Variants in FOXB1 observed in about 807,000 individuals in gnomAD.
FOXB1 encodes forkhead box B1, also known as forkhead box protein B1.
In FOXB1, 6 loss-of-function variants were observed where a neutral mutation model predicts 18.6. The observed-to-expected ratio is 0.32, with a 90% CI of 0.18 to 0.64. The LOEUF (loss-of-function observed/expected upper bound fraction) is 0.64, where lower values mean the gene tolerates loss of function less well. Ranked by LOEUF, FOXB1 falls within the 30% of genes least tolerant of loss-of-function variation. The pLI is 0.78. For missense variants in FOXB1, 419 were observed against 463.6 expected, an observed-to-expected ratio of 0.90 and a Z score of 0.88; for synonymous variants, 213 against 216.0, an observed-to-expected ratio of 0.99 and a Z score of 0.12.
chr15:60,006,091 G>C lies in FOXB1; in HGVS notation c.*150G>C, dbSNP rs1892093451. The C allele has an allele frequency of 1.9e-6, 2 of 1,054,526 alleles. No homozygotes were observed. The highest frequency in any genetic ancestry group is 2.6e-6 in the Non-Finnish European group (2 of 758,070). The allele number at this position is 1,054,526 out of a possible 1,614,324, so 65.3% of individuals were successfully genotyped here. Reference sequence around the variant, plus strand: ...ACCCGCCTTGCCCCAAGAGAACTTTGTTTTGGACCCAGGAGACCAAACACA... The same window carrying C: ...ACCCGCCTTGCCCCAAGAGAACTTTCTTTTGGACCCAGGAGACCAAACACA... On this transcript the variant is annotated 3_prime_UTR_variant, in exon 2 of 2. Coordinates refer to ENST00000396057, the MANE Select transcript of FOXB1 (RefSeq NM_012182.3).
rs978380323 is a variant in FOXB1 at position 60,006,789 on chromosome 15, G to C, written c.*848G>C. The C allele has an allele frequency of 3.3e-5, 5 of 152,166 alleles. No individual in the cohort carries two copies. Among genetic ancestry groups the C allele is most frequent in the Non-Finnish European group, 7.3e-5 (5 of 68,038 alleles). 9.4% of individuals were successfully genotyped at this position (152,166 alleles called of 1,614,324 possible). ...CCACATTATAAGTACCTGTTGTAAT[G>C]TGAATGTTTACTCTTCATTTCTGGC... On this transcript the variant is annotated 3_prime_UTR_variant, in exon 2 of 2. Transcript: ENST00000396057.
Position 60,006,243 on chromosome 15 carries a change from G to A in FOXB1, c.*302G>A. 1 of 432,664 alleles carries A rather than the reference G, an allele frequency of 2.3e-6. No homozygotes were observed. The highest frequency in any genetic ancestry group is 4.1e-6 in the Non-Finnish European group (1 of 246,134). 26.8% of individuals were successfully genotyped at this position (432,664 alleles called of 1,614,324 possible). On this transcript the variant is annotated 3_prime_UTR_variant, in exon 2 of 2. Transcript: ENST00000396057. ...AAACCCCCTCCTATTTGACCGGCGGGGGAAACCCTGTCACCCCCTCTTCGC... is the reference window on the plus strand; with the variant it reads ...AAACCCCCTCCTATTTGACCGGCGGAGGAAACCCTGTCACCCCCTCTTCGC...
intron 1 of FOXB1, 66 bp from the exon 2 acceptor site, chr15:60,004,838 GTCT>G: frequency 1.3e-5 from 11 of 844,152 alleles, no homozygotes; most frequent in East Asian, 9.2e-5. Flanking sequence ...CTGTTACTCG[GTCT>G]GGCTGACCCC....
chr15:60,005,071 G>C lies in FOXB1; in HGVS notation c.108G>C (p.Leu36=), dbSNP rs1892075883. 6.3e-7 allele frequency: 1 copy of C among 1,599,292 alleles called. No individual in the cohort carries two copies. The highest frequency in any genetic ancestry group is 8.5e-7 in the Non-Finnish European group (1 of 1,173,702). Residue 36 remains leucine, a synonymous_variant, in exon 2 of 2, where the codon CTG becomes CTC. Transcript: ENST00000396057. The surrounding 1 kb of genome is among the most constrained non-coding windows in gnomAD (Gnocchi z 9.8). ...GCTCTCCCGAGAAGATGCTGCCGCT[G>C]AGCGAGATCTACAAGTTCATCATGG... is the stretch of plus-strand genomic sequence containing the variant. ...IQSSPEKMLP[L]SEIYKFIMDR... is the part of the protein sequence containing the mutation.
Position 60,005,322 on chromosome 15 carries a change from G to C in FOXB1, c.359G>C (p.Ser120Thr). 1.2e-6 allele frequency: 2 copies of C among 1,610,480 alleles called. No homozygotes were observed. The change falls in exon 2 of 2, where the codon AGC becomes ACC. Residue 120 changes from serine (S) to threonine (T), a missense_variant. Physicochemically the swap from Ser to Thr is moderately conservative, Grantham distance 58. This residue lies in a region of FOXB1 where 153 missense variants were observed against 173.8 expected (regional missense o/e 0.88). Transcript: ENST00000396057. This position sits in a 1 kb window ranked among gnomAD's most constrained non-coding sequence, Gnocchi z 9.8. ...KVLKSDHLAP[S>T]KPADAAQYLQ... ...CTTAAGTCCGACCACCTGGCGCCCA[G>C]CAAGCCAGCCGACGCGGCGCAGTAC...
chr15:60,006,559 A>C lies in FOXB1; in HGVS notation c.*618A>C, dbSNP rs1892101928. 1 of 152,036 alleles carries C rather than the reference A, an allele frequency of 6.6e-6. No homozygotes were observed. The highest frequency in any genetic ancestry group is 1.5e-5 in the Non-Finnish European group (1 of 68,058). The allele number at this position is 152,036 out of a possible 1,614,324, so 9.4% of individuals were successfully genotyped here. ...CCCTGCCTCCTAGGCTTCTGCGGAG[A>C]TTTTGTTGTTGTTTGGGGTTTTGTT... On this transcript the variant is annotated 3_prime_UTR_variant, in exon 2 of 2. Transcript: ENST00000396057.
chr15:60,005,904 G>C lies in FOXB1; in HGVS notation c.941G>C (p.Ser314Thr), dbSNP rs773004677. ...SPATPSETLT[S>T]PASALHSVAV... is the part of the protein sequence containing the mutation. ...GCCACCCCCAGCGAAACGCTCACCA[G>C]CCCGGCCTCCGCCTTGCACTCGGTG... The change falls in exon 2 of 2, where the codon AGC becomes ACC. Residue 314 changes from serine to threonine, a missense_variant. By Grantham distance (58) the Ser-to-Thr change is moderately conservative. This residue lies in a region of FOXB1 where 195 missense variants were observed against 179.8 expected (regional missense o/e 1.08). Coordinates refer to ENST00000396057, the MANE Select transcript of FOXB1 (RefSeq NM_012182.3). The surrounding 1 kb of genome is among the most constrained non-coding windows in gnomAD (Gnocchi z 9.8). 2 of 1,594,224 alleles carry C rather than the reference G, an allele frequency of 1.3e-6. No individual in the cohort carries two copies. Among genetic ancestry groups the C allele is most frequent in the East Asian group, 2.3e-5 (1 of 43,878 alleles).
rs980636323 is a variant in FOXB1, at chr15:60,004,868, A to G, written c.-57-39A>G. On this transcript the variant is annotated intron_variant, in intron 1 of 1. Coordinates refer to ENST00000396057, the MANE Select transcript of FOXB1 (RefSeq NM_012182.3). ...GCTGACCCCGCCGGTGTCTCTGTGC[A>G]TCCATGCTACCTTTCCCTATTACCC... 4.5e-6 allele frequency: 5 copies of G among 1,108,716 alleles called. No individual in the cohort carries two copies. The African/African-American group carries it at 8.8e-5, about 20-fold the overall frequency. 68.7% of individuals were successfully genotyped at this position (1,108,716 alleles called of 1,614,324 possible). A position where few individuals can be genotyped will look rare whatever the true frequency, so the allele number is the denominator to read the frequency against.
At position 60,006,064 on chromosome 15, in the gene FOXB1, C is replaced by T; in HGVS notation, c.*123C>T. On this transcript the variant is annotated 3_prime_UTR_variant, in exon 2 of 2. Coordinates refer to ENST00000396057, the MANE Select transcript of FOXB1 (RefSeq NM_012182.3). ...CTAACTTGTTCATTTCACCTTCGGCCAACCCGCCTTGCCCCAAGAGAACTT... is the reference window on the plus strand; with the variant it reads ...CTAACTTGTTCATTTCACCTTCGGCTAACCCGCCTTGCCCCAAGAGAACTT... 3 of 1,246,368 alleles carry T rather than the reference C, an allele frequency of 2.4e-6. No individual in the cohort carries two copies. The highest frequency in any genetic ancestry group is 3.2e-6 in the Non-Finnish European group (3 of 929,414). The allele number at this position is 1,246,368 out of a possible 1,614,324, so 77.2% of individuals were successfully genotyped here. A position where few individuals can be genotyped will look rare whatever the true frequency, so the allele number is the denominator to read the frequency against.
rs1021368538 is a variant in FOXB1, at chr15:60,005,808, C to T, written c.845C>T (p.Thr282Ile). The T allele has an allele frequency of 1.9e-6, 3 of 1,606,600 alleles. No homozygotes were observed. The highest frequency in any genetic ancestry group is 2.5e-6 in the Non-Finnish European group (3 of 1,177,838). The change falls in exon 2 of 2, where the codon ACC becomes ATC. Residue 282 changes from threonine to isoleucine, a missense_variant. Physicochemically the swap from Thr to Ile is moderately conservative, Grantham distance 89. Transcript: ENST00000396057. The surrounding 1 kb of genome is among the most constrained non-coding windows in gnomAD (Gnocchi z 9.8). ...ALPALPAPIP[T>I]LLSNSPPSLS... ...CCTGCGCTGCCAGCGCCCATCCCCA[C>T]CTTGCTCTCGAACTCGCCGCCCTCG...
chr15:60,005,907 C>A lies in FOXB1; in HGVS notation c.944C>A (p.Pro315Gln). ...ACCCCCAGCGAAACGCTCACCAGCC[C>A]GGCCTCCGCCTTGCACTCGGTGGCG... ...PATPSETLTSPASALHSVAVH is the reference protein window; with the variant it reads ...PATPSETLTSQASALHSVAVH Residue 315 changes from proline (P) to glutamine (Q), a missense_variant, in exon 2 of 2, where the codon CCG becomes CAG. Physicochemically the swap from Pro to Gln is moderately conservative, Grantham distance 76. Transcript: ENST00000396057. The surrounding 1 kb of genome is among the most constrained non-coding windows in gnomAD (Gnocchi z 9.8). 6.3e-7 allele frequency: 1 copy of A among 1,593,158 alleles called. No individual in the cohort carries two copies.
At chr15:60,004,673 C>G (rs545580902) in intron 1 of FOXB1, 30 bp downstream of exon 1, 8 of 458,192 alleles carry the variant, frequency 1.7e-5, no homozygotes, top group East Asian at 1.1e-4. Context: ...GTCCCTGCCC[C>G]CTATTCTGGC....
In FOXB1 at chr15:60,005,279, C is replaced by A; in HGVS notation, c.316C>A (p.Arg106Ser). 1 of 1,613,618 alleles carries A rather than the reference C, an allele frequency of 6.2e-7. No individual in the cohort carries two copies. Among genetic ancestry groups the A allele is most frequent in the Non-Finnish European group, 8.5e-7 (1 of 1,179,936 alleles). The change falls in exon 2 of 2, where the codon CGC (arginine) becomes AGC (serine). Residue 106 changes from arginine to serine, a missense_variant. Around this residue, in one of 3 missense-constraint regions of FOXB1, gnomAD observed 153 missense variants for 173.8 expected, o/e 0.88. Transcript: ENST00000396057. The surrounding 1 kb of genome is among the most constrained non-coding windows in gnomAD (Gnocchi z 9.8). ...MFENGSFLRR[R>S]KRFKVLKSDH... ...CGAGAACGGCAGCTTCCTGCGGCGC[C>A]GCAAGCGCTTCAAGGTGCTTAAGTC...
rs373512826 is a variant in FOXB1 at position 60,005,804 on chromosome 15, C to T, written c.841C>T (p.Pro281Ser). The T allele has an allele frequency of 6.2e-7, 1 of 1,606,386 alleles. No individual in the cohort carries two copies. Among genetic ancestry groups the T allele is most frequent in the Admixed American group, 1.7e-5 (1 of 59,500 alleles). ...GCTGCCTGCGCTGCCAGCGCCCATC[C>T]CCACCTTGCTCTCGAACTCGCCGCC... ...PALPALPAPI[P>S]TLLSNSPPSL... is the part of the protein sequence containing the mutation. Residue 281 changes from proline to serine, a missense_variant, in exon 2 of 2, where the codon CCC (proline) becomes TCC (serine). Physicochemically the swap from Pro to Ser is moderately conservative, Grantham distance 74. Coordinates refer to ENST00000396057, the MANE Select transcript of FOXB1 (RefSeq NM_012182.3). This position sits in a 1 kb window ranked among gnomAD's most constrained non-coding sequence, Gnocchi z 9.8.
rs772040881 is a variant in FOXB1, at chr15:60,004,943, A to G, written c.-21A>G. On this transcript the variant is annotated 5_prime_UTR_variant, in exon 2 of 2. Transcript: ENST00000396057. The stretch of plus-strand genomic sequence containing the variant: ...CCGCCGGCCCGCGCGGACCCAGAGC[A>G]AGAAGAGGGCGAGGAAGAAGATGCC... The G allele has an allele frequency of 6.3e-7, 1 of 1,598,896 alleles. No individual in the cohort carries two copies. The highest frequency in any genetic ancestry group is 8.5e-7 in the Non-Finnish European group (1 of 1,171,806).
At position 60,006,658 on chromosome 15, in the gene FOXB1, A is replaced by G. The variant is rs1214682524; in HGVS notation, c.*717A>G. 2.0e-5 allele frequency: 3 copies of G among 152,244 alleles called. No individual in the cohort carries two copies. The highest frequency in any genetic ancestry group is 1.9e-4 in the East Asian group (1 of 5,200). The allele number at this position is 152,244 out of a possible 1,614,324, so 9.4% of individuals were successfully genotyped here. A position where few individuals can be genotyped will look rare whatever the true frequency, so the allele number is the denominator to read the frequency against. On this transcript the variant is annotated 3_prime_UTR_variant, in exon 2 of 2. Transcript: ENST00000396057. ...CTGAGAAAGCGACGCTCGTCCTCAC[A>G]CAGCAAAACAAAACTAAAAGTAACC...
At chr15:60,004,720 G>A (rs958992102) in intron 1 of FOXB1, 77 bp downstream of exon 1, 61 of 548,078 alleles carry the variant, frequency 1.1e-4, no homozygotes, top group African/African-American at 9.9e-4. Flanking sequence ...TCCTCGCGCC[G>A]TTCGCCGGCT....
rs1892079369 is a variant in FOXB1 at position 60,005,318 on chromosome 15, C to T, written c.355C>T (p.Pro119Ser). Reference sequence around the variant, plus strand: ...GGTGCTTAAGTCCGACCACCTGGCGCCCAGCAAGCCAGCCGACGCGGCGCA... The same window carrying T: ...GGTGCTTAAGTCCGACCACCTGGCGTCCAGCAAGCCAGCCGACGCGGCGCA... ...FKVLKSDHLA[P>S]SKPADAAQYL... Residue 119 changes from proline to serine, a missense_variant, in exon 2 of 2, where the codon CCC (proline) becomes TCC (serine). Transcript: ENST00000396057. This position sits in a 1 kb window ranked among gnomAD's most constrained non-coding sequence, Gnocchi z 9.8. 6.2e-7 allele frequency: 1 copy of T among 1,610,880 alleles called. No homozygotes were observed. Among genetic ancestry groups the T allele is most frequent in the Non-Finnish European group, 8.5e-7 (1 of 1,179,540 alleles).
chr15:60,005,906 C>T lies in FOXB1; in HGVS notation c.943C>T (p.Pro315Ser), dbSNP rs1892090812. The T allele has an allele frequency of 6.3e-7, 1 of 1,593,354 alleles. No homozygotes were observed. Among genetic ancestry groups the T allele is most frequent in the Non-Finnish European group, 8.5e-7 (1 of 1,173,520 alleles). The change falls in exon 2 of 2, where the codon CCG becomes TCG. Residue 315 changes from proline (P) to serine (S), a missense_variant. By Grantham distance (74) the Pro-to-Ser change is moderately conservative. Coordinates refer to ENST00000396057, the MANE Select transcript of FOXB1 (RefSeq NM_012182.3). This position sits in a 1 kb window ranked among gnomAD's most constrained non-coding sequence, Gnocchi z 9.8. ...PATPSETLTS[P>S]ASALHSVAVH ...CACCCCCAGCGAAACGCTCACCAGC[C>T]CGGCCTCCGCCTTGCACTCGGTGGC... is the stretch of plus-strand genomic sequence containing the variant.
Sources: gnomAD v4.1 joint callset for allele counts on GRCh38, gnomAD v4.1.1 for gene constraint, gnomAD v4.1.1 regional missense constraint, Gnocchi (gnomAD v3.1) non-coding constraint, MANE v1.5 for transcripts, NCBI Gene and HGNC (gene_info 2026-07-23, HGNC 2026-07-21) for gene names.